The following NBEAL2 variants were observed in gnomAD, a reference collection of about 807,000 sequenced individuals.
NBEAL2 encodes neurobeachin like 2, also known as neurobeachin-like protein 2.
A neutral mutation model predicts 299.8 loss-of-function variants in NBEAL2; 160 were observed. The ratio of observed to expected loss-of-function variants is 0.53; its 90% CI spans 0.47 to 0.61. NBEAL2 has a LOEUF of 0.61. Ranked by LOEUF, NBEAL2 falls within the 20% of genes least tolerant of loss-of-function variation. The pLI is 0.00. For missense variants in NBEAL2, 3,112 were observed against 3,649.0 expected (o/e 0.85, Z 3.79); for synonymous variants, 1,493 against 1,542.3 (o/e 0.97, Z 0.75).
rs1236347456 is a variant in NBEAL2, at chr3:46,982,662, G to T, written c.51+2750G>T. On this transcript the variant is annotated intron_variant, in intron 1 of 53. Coordinates refer to ENST00000450053, the MANE Select transcript of NBEAL2 (RefSeq NM_015175.3). This position sits in a 1 kb window ranked among gnomAD's most constrained non-coding sequence, Gnocchi z 4.2. Reference sequence around the variant, plus strand: ...GTATTAGCTGAATGACTGGATAGAGGAGGTGGGTCCCATGGCAGTGACCAG... The same window carrying T: ...GTATTAGCTGAATGACTGGATAGAGTAGGTGGGTCCCATGGCAGTGACCAG... 6.6e-6 allele frequency among the ~76,000 whole-genome samples: 1 copy of T among 152,210 alleles called. No homozygotes were observed. Among genetic ancestry groups the T allele is most frequent in the Non-Finnish European group, 1.5e-5 (1 of 68,030 alleles).
At position 47,006,083 on chromosome 3, in the gene NBEAL2, CCA is replaced by C; in HGVS notation, c.6919+21_6919+22del. On this transcript the variant is annotated intron_variant, in intron 43 of 53. Transcript: ENST00000450053. ...ATGAGGGTGGGCAGTGCGCTGGACT[CCA>C]GTCAGGGCCAGGACAAGATCAGGTC... 1 of 1,612,908 alleles carries C rather than the reference CCA, an allele frequency of 6.2e-7. No homozygotes were observed. Among genetic ancestry groups the C allele is most frequent in the Non-Finnish European group, 8.5e-7 (1 of 1,179,124 alleles).
At position 47,002,774 on chromosome 3, in the gene NBEAL2, G is replaced by C; in HGVS notation, c.5431G>C (p.Ala1811Pro). 6.6e-7 allele frequency: 1 copy of C among 1,504,360 alleles called. No individual in the cohort carries two copies. The highest frequency in any genetic ancestry group is 8.9e-7 in the Non-Finnish European group (1 of 1,125,168). The allele number at this position is 1,504,360 out of a possible 1,614,324, so 93.2% of individuals were successfully genotyped here. ...LHWGALWRQL[A>P]SPCGAWALRD... ...CTGGGGGGCGCTGTGGCGCCAGCTC[G>C]CCAGCCCATGTGGGGCCTGGGCGCT... Residue 1811 changes from alanine to proline, a missense_variant, in exon 33 of 54, where the codon GCC becomes CCC. Coordinates refer to ENST00000450053, the MANE Select transcript of NBEAL2 (RefSeq NM_015175.3).
At position 47,009,459 on chromosome 3, in the gene NBEAL2, G is replaced by A; in HGVS notation, c.*139G>A. The stretch of plus-strand genomic sequence containing the variant: ...CCCACCCTGCCCAGCTCAGGGATTG[G>A]CGGGCGATGTTACCCCCTCAGGGAT... On this transcript the variant is annotated 3_prime_UTR_variant, in exon 54 of 54. Coordinates refer to ENST00000450053, the MANE Select transcript of NBEAL2 (RefSeq NM_015175.3). The A allele has an allele frequency of 1.2e-6, 1 of 816,088 alleles. No homozygotes were observed. Among genetic ancestry groups the A allele is most frequent in the Non-Finnish European group, 1.9e-6 (1 of 513,588 alleles). 50.6% of individuals were successfully genotyped at this position (816,088 alleles called of 1,614,324 possible).
rs764964439 is a variant in NBEAL2 at position 46,999,958 on chromosome 3, G to A, written c.3859G>A (p.Val1287Met). 5 of 1,611,876 alleles carry A rather than the reference G, an allele frequency of 3.1e-6. No individual in the cohort carries two copies. Among genetic ancestry groups the A allele is most frequent in the Non-Finnish European group, 4.2e-6 (5 of 1,179,768 alleles). The change falls in exon 27 of 54, where the codon GTG becomes ATG. Residue 1287 changes from valine to methionine, a missense_variant. By Grantham distance (21) the Val-to-Met change is conservative. Around this residue, in one of 3 missense-constraint regions of NBEAL2, gnomAD observed 2,243 missense variants for 2,538.1 expected, o/e 0.88. Transcript: ENST00000450053. ...GGCCCGACAGGCTGGCTGGCAAGAT[G>A]TGCTGACCCGGCTATATGTCCTGGA... ...LLARQAGWQD[V>M]LTRLYVLEAA... is the part of the protein sequence containing the mutation.
Position 47,001,233 on chromosome 3 carries a change from G to T in NBEAL2, c.4485-46G>T. 1.2e-6 allele frequency: 2 copies of T among 1,601,244 alleles called. No homozygotes were observed. Among genetic ancestry groups the T allele is most frequent in the Non-Finnish European group, 1.7e-6 (2 of 1,171,052 alleles). ...GCTTCAGGAAGCCTCGGGGGAAGGA[G>T]AGAAGATAGTCAGGTAGACCCTTGA... On this transcript the variant is annotated intron_variant, in intron 28 of 53. Coordinates refer to ENST00000450053, the MANE Select transcript of NBEAL2 (RefSeq NM_015175.3). This position sits in a 1 kb window ranked among gnomAD's most constrained non-coding sequence, Gnocchi z 6.1.
rs2107421321 is a variant in NBEAL2 at position 47,003,403 on chromosome 3, G to A, written c.5720+94G>A. The A allele has an allele frequency of 1.3e-6, 2 of 1,503,668 alleles. No individual in the cohort carries two copies. Among genetic ancestry groups the A allele is most frequent in the East Asian group, 2.3e-5 (1 of 43,818 alleles). The allele number at this position is 1,503,668 out of a possible 1,614,324, so 93.1% of individuals were successfully genotyped here. A position where few individuals can be genotyped will look rare whatever the true frequency, so the allele number is the denominator to read the frequency against. Reference sequence around the variant, plus strand: ...TCTGTGGGATCAACTCCCTGAGTGTGTCCTCTTCTGCTGCCCGACTACGTC... The same window carrying A: ...TCTGTGGGATCAACTCCCTGAGTGTATCCTCTTCTGCTGCCCGACTACGTC... On this transcript the variant is annotated intron_variant, in intron 35 of 53. Transcript: ENST00000450053. This position sits in a 1 kb window ranked among gnomAD's most constrained non-coding sequence, Gnocchi z 7.0.
In NBEAL2 at chr3:47,007,321, C is replaced by T. The variant is rs374044532; in HGVS notation, c.7305C>T (p.Phe2435=). The change falls in exon 47 of 54, where the codon TTC becomes TTT. Residue 2435 remains phenylalanine, a synonymous_variant. Transcript: ENST00000450053. ...YDRNISNYFS[F]SKDPTMGSHK... ...GCAACATAAGCAACTACTTCAGCTT[C>T]AGCAAAGACCCCACCATGGGCAGCC... The T allele has an allele frequency of 5.6e-6, 9 of 1,610,016 alleles. No individual in the cohort carries two copies. The highest frequency in any genetic ancestry group is 7.6e-6 in the Non-Finnish European group (9 of 1,178,268).
In NBEAL2 at chr3:46,998,786, G is replaced by C; in HGVS notation, c.3291G>C (p.Ala1097=). Residue 1097 remains alanine, a synonymous_variant, in exon 23 of 54, where the codon GCG becomes GCC. Coordinates refer to ENST00000450053, the MANE Select transcript of NBEAL2 (RefSeq NM_015175.3). ...RTVQTSLLGL[A]REFLVRSLSA... The stretch of plus-strand genomic sequence containing the variant: ...TGCAGACCTCCCTCCTGGGCCTGGC[G>C]AGGGAGTTCCTGGTGCGGAGTCTCT... 1 of 1,567,708 alleles carries C rather than the reference G, an allele frequency of 6.4e-7. No individual in the cohort carries two copies. The highest frequency in any genetic ancestry group is 1.2e-5 in the South Asian group (1 of 85,354).
chr3:47,003,318 G>A lies in NBEAL2; in HGVS notation c.5720+9G>A, dbSNP rs2037178506. The A allele has an allele frequency of 6.2e-7, 1 of 1,610,216 alleles. No individual in the cohort carries two copies. The highest frequency in any genetic ancestry group is 1.1e-5 in the South Asian group (1 of 90,782). On this transcript the variant is annotated intron_variant, in intron 35 of 53. Transcript: ENST00000450053. This position sits in a 1 kb window ranked among gnomAD's most constrained non-coding sequence, Gnocchi z 7.0. ...GCTGAGCTGGAGACCCCGTGAGTGG[G>A]GCCCTGGAGAGATTGGACTGGTGTG...
Position 47,009,344 on chromosome 3 carries a change from G to C in NBEAL2, c.*24G>C. The C allele has an allele frequency of 6.4e-7, 1 of 1,563,242 alleles. No individual in the cohort carries two copies. Among genetic ancestry groups the C allele is most frequent in the Non-Finnish European group, 8.7e-7 (1 of 1,153,822 alleles). On this transcript the variant is annotated 3_prime_UTR_variant, in exon 54 of 54. Transcript: ENST00000450053. ...GAACCTGGCCAGTCCGGCTGCTCGG[G>C]CCCCGCCCCCGGCAGGCCTGGCCCG...
chr3:47,001,992 T>G lies in NBEAL2; in HGVS notation c.4855T>G (p.Cys1619Gly). ...TAVPARREEACYVLSKLEAAL... is the reference protein window; with the variant it reads ...TAVPARREEAGYVLSKLEAAL... ...AGTGCCAGCCCGCCGCGAGGAGGCC[T>G]GCTATGTGCTCTCCAAGCTGGAGGC... The change falls in exon 31 of 54, where the codon TGC (cysteine) becomes GGC (glycine). Residue 1619 changes from cysteine to glycine, a missense_variant. Transcript: ENST00000450053. The surrounding 1 kb of genome is among the most constrained non-coding windows in gnomAD (Gnocchi z 6.1). The G allele has an allele frequency of 6.2e-7, 1 of 1,604,416 alleles. No individual in the cohort carries two copies. The highest frequency in any genetic ancestry group is 8.5e-7 in the Non-Finnish European group (1 of 1,176,012).
Position 47,002,481 on chromosome 3 carries a change from GC to G in NBEAL2, c.5263del (p.Arg1755AlafsTer35). ...YDMLMSSGQR[R>X]QWERAQSRRA... is the part of the protein sequence containing the mutation. ...ACATGCTTATGAGCAGTGGGCAGCG[GC>G]GCCAGTGGGAGCGCGCCCAGAGTCG... On this transcript the variant is annotated frameshift_variant, in exon 32 of 54. Coordinates refer to ENST00000450053, the MANE Select transcript of NBEAL2 (RefSeq NM_015175.3). LOFTEE classifies it high-confidence loss of function. 6.2e-7 allele frequency: 1 copy of G among 1,613,062 alleles called. No individual in the cohort carries two copies. Among genetic ancestry groups the G allele is most frequent in the Admixed American group, 1.7e-5 (1 of 60,030 alleles).
chr3:47,001,624 C>T lies in NBEAL2; in HGVS notation c.4645-65C>T, dbSNP rs116645127. ...GGCCCCCAGCGCAAACTTTACTTTG[C>T]TCCCTTTCCATGGACTCCTGGCCTC... On this transcript the variant is annotated intron_variant, in intron 29 of 53. Coordinates refer to ENST00000450053, the MANE Select transcript of NBEAL2 (RefSeq NM_015175.3). The surrounding 1 kb of genome is among the most constrained non-coding windows in gnomAD (Gnocchi z 6.1). 1.4e-3 allele frequency: 2,307 copies of T among 1,594,490 alleles called. 33 individuals are homozygous for T. The African/African-American group carries it at 0.029, about 20-fold the overall frequency.
chr3:47,001,764 C>T lies in NBEAL2; in HGVS notation c.4720C>T (p.Arg1574Cys), dbSNP rs574157455. Residue 1574 changes from arginine (R) to cysteine (C), a missense_variant, in exon 30 of 54, where the codon CGT (arginine) becomes TGT (cysteine). By Grantham distance (180) the Arg-to-Cys change is radical. Transcript: ENST00000450053. The surrounding 1 kb of genome is among the most constrained non-coding windows in gnomAD (Gnocchi z 6.1). ...PHLANGTADLREMAQIGLRLV... is the reference protein window; with the variant it reads ...PHLANGTADLCEMAQIGLRLV... ...CCTGGCCAACGGCACAGCTGATCTC[C>T]GTGAGATGGCGCAGATTGGCCTACG... The T allele has an allele frequency of 1.2e-6, 2 of 1,613,912 alleles. No individual in the cohort carries two copies. The highest frequency in any genetic ancestry group is 1.6e-4 in the Middle Eastern group (1 of 6,062).
In NBEAL2 at chr3:47,008,319, C is replaced by T. The variant is rs561920486; in HGVS notation, c.7756C>T (p.Gln2586Ter). Residue 2586 changes from glutamine to a stop codon, truncating the protein, a stop_gained, in exon 51 of 54, where the codon CAG (glutamine) becomes TAG (stop). Transcript: ENST00000450053. LOFTEE classifies it high-confidence loss of function. ...TVIIHTVRRG[Q>*]FVAALRPLGA... ...GATCATACACACTGTACGCCGCGGACAGTTTGTAGCGGCACTACGGCCTCT... is the reference window on the plus strand; with the variant it reads ...GATCATACACACTGTACGCCGCGGATAGTTTGTAGCGGCACTACGGCCTCT... 1 of 1,613,368 alleles carries T rather than the reference C, an allele frequency of 6.2e-7. No individual in the cohort carries two copies. The highest frequency in any genetic ancestry group is 2.2e-5 in the East Asian group (1 of 44,882).
rs764506595 is a variant in NBEAL2 at position 46,999,926 on chromosome 3, G to A, written c.3827G>A (p.Arg1276Gln). 2.4e-5 allele frequency: 38 copies of A among 1,611,224 alleles called. No homozygotes were observed. The highest frequency in any genetic ancestry group is 6.7e-5 in the Admixed American group (4 of 59,942). ...ATCTACGGACAGCCAGATGTAGTGC[G>A]GCTTCTGGCCCGACAGGCTGGCTGG... is the stretch of plus-strand genomic sequence containing the variant. The part of the protein sequence containing the change: ...HLIYGQPDVV[R>Q]LLARQAGWQD... Residue 1276 changes from arginine (R) to glutamine (Q), a missense_variant, in exon 27 of 54, where the codon CGG becomes CAG. Coordinates refer to ENST00000450053, the MANE Select transcript of NBEAL2 (RefSeq NM_015175.3).
intron 10 of NBEAL2, 22 bp downstream of exon 10, chr3:46,992,577 G>A (rs1301735988): frequency 6.4e-7 from 1 of 1,572,772 alleles, no homozygotes; most frequent in Non-Finnish European, 8.6e-7. Flanking sequence ...GGGCTGACCA[G>A]CTCAGACACC....
At chr3:47,005,706 A>G (rs2037385523) in intron 41 of NBEAL2, 32 bp from the exon 42 acceptor site, 1 of 1,612,718 alleles carries the variant, frequency 6.2e-7, no homozygotes, top group East Asian at 2.2e-5. Flanking sequence ...CGGGATGGAC[A>G]GGGAGACAGC....
Position 46,994,529 on chromosome 3 carries a change from G to T in NBEAL2, c.1272G>T (p.Arg424=). Residue 424 remains arginine, a synonymous_variant, in exon 12 of 54, where the codon CGG becomes CGT. Transcript: ENST00000450053. The part of the protein sequence containing the change: ...VLQSHGPPTH[R]LLQELLNMAV... ...AGAGCCATGGTCCCCCCACCCATCG[G>T]CTGTTGCAAGAGCTGCTCAACATGG... 6.3e-7 allele frequency: 1 copy of T among 1,587,572 alleles called. No individual in the cohort carries two copies. Among genetic ancestry groups the T allele is most frequent in the Non-Finnish European group, 8.6e-7 (1 of 1,165,134 alleles).
Sources: gnomAD v4.1 joint callset for allele counts (sites outside exome capture counted in the v4.1 genomes callset) on GRCh38, gnomAD v4.1.1 for gene constraint, gnomAD v4.1.1 regional missense constraint, Gnocchi (gnomAD v3.1) non-coding constraint, MANE v1.5 for transcripts, NCBI Gene and HGNC (gene_info 2026-07-23, HGNC 2026-07-21) for gene names.